ABRACL: variants seen among roughly 807,000 people sequenced by gnomAD.
ABRACL encodes costars family protein ABRACL.
In ABRACL, 4 loss-of-function variants were observed where a neutral mutation model predicts 7.0. The ratio of observed to expected loss-of-function variants is 0.57; its 90% CI spans 0.28 to 1.30. The LOEUF (loss-of-function observed/expected upper bound fraction) is 1.30. ABRACL is among the 50% of genes most tolerant of loss of function. The pLI is 0.10. For missense variants in ABRACL, 104 were observed against 97.3 expected, an observed-to-expected ratio of 1.07 and a Z score of -0.29; for synonymous variants, 30 against 36.0, an observed-to-expected ratio of 0.83 and a Z score of 0.60.
Position 139,042,863 on chromosome 6 carries a change from G to C in ABRACL, c.206G>C (p.Gly69Ala), listed in dbSNP as rs376913110. Residue 69 changes from glycine to alanine, a missense_variant, in exon 3 of 3, where the codon GGT becomes GCT. Coordinates refer to ENST00000367660, the MANE Select transcript of ABRACL (RefSeq NM_021243.3). The part of the protein sequence containing the change: ...VTYPGELLLQ[G>A]VHDDVDIILL... ...TATCCAGGAGAGCTGCTTCTGCAAG[G>C]TGTTCATGATGATGTTGACATTATA... is the stretch of plus-strand genomic sequence containing the variant. The C allele has an allele frequency of 4.3e-6, 7 of 1,613,478 alleles. No individual in the cohort carries two copies. The African/African-American group carries it at 9.3e-5, about 22-fold the overall frequency.
intron 1 of ABRACL, among the ~76,000 whole-genome samples, chr6:139,033,542 G>C (rs551266645): frequency 6.6e-6 from 1 of 152,306 alleles, no homozygotes; most frequent in East Asian, 1.9e-4. Flanking sequence ...GCTTAGGCCT[G>C]CCTCAAGTGT....
intron 2 of ABRACL, among the ~76,000 whole-genome samples, chr6:139,041,881 T>A (rs1233779114): frequency 6.6e-6 from 1 of 152,082 alleles, no homozygotes; most frequent in Non-Finnish European, 1.5e-5. Flanking sequence ...TTGCCAAGCA[T>A]CCAGTGGGAA....
intron 2 of ABRACL, among the ~76,000 whole-genome samples, chr6:139,041,531 A>ATATATTTTTTTT (rs748288046): frequency 2.4e-5 from 3 of 126,036 alleles, no homozygotes; most frequent in South Asian, 2.5e-4. Context: ...ATATATATAT[A>ATATATTTTTTTT]TTTTTTTTTA....
At chr6:139,041,455 A>G (rs201985276) in intron 2 of ABRACL, among the ~76,000 whole-genome samples, 1 of 80,508 alleles carries the variant, frequency 1.2e-5, no homozygotes, top group Non-Finnish European at 2.7e-5. Context: ...CTCTCTCTAT[A>G]TATATATATA....
chr6:139,040,885 A>G (rs1043192638), intron 2 of ABRACL, among the ~76,000 whole-genome samples: 2 of 152,166 alleles, frequency 1.3e-5, no homozygotes, highest in African/African-American at 4.8e-5. Flanking sequence ...CTCAGTCACA[A>G]CAGAGCCCCT....
chr6:139,040,124 A>T (rs1036165422), intron 2 of ABRACL, among the ~76,000 whole-genome samples: 5 of 152,162 alleles, frequency 3.3e-5, no homozygotes, highest in Admixed American at 1.3e-4. Flanking sequence ...GAGGGATTAA[A>T]GTAGAAGAGT....
At chr6:139,029,172 G>A (rs745970713) in intron 1 of ABRACL, among the ~76,000 whole-genome samples, 4 of 152,158 alleles carry the variant, frequency 2.6e-5, no homozygotes, top group Non-Finnish European at 4.4e-5. Context: ...TTTTTACCGC[G>A]GTGCGACGTG....
At chr6:139,034,887 A>G (rs934147527) in intron 2 of ABRACL, among the ~76,000 whole-genome samples, 4 of 152,218 alleles carry the variant, frequency 2.6e-5, no homozygotes, top group Admixed American at 6.5e-5. Flanking sequence ...GAAAATTACT[A>G]TTATACTTGC....
rs566274916 is a variant in ABRACL, at chr6:139,035,640, G to T, written c.61+1419G>T. Among the ~76,000 whole-genome samples the T allele has an allele frequency of 2.6e-5, 4 of 151,776 alleles. No individual in the cohort carries two copies. The South Asian group carries it at 8.3e-4, about 32-fold the overall frequency. ...TGGGATTATAGGCACCTGCCACCAC[G>T]CTCAGCTAATTTTTATATTTTTAGT... On this transcript the variant is annotated intron_variant, in intron 2 of 2. Transcript: ENST00000367660.
chr6:139,035,110 A>G (rs1012584815), intron 2 of ABRACL, among the ~76,000 whole-genome samples: 6 of 152,366 alleles, frequency 3.9e-5, no homozygotes, highest in South Asian at 2.1e-4. Flanking sequence ...TTAAAGCACT[A>G]TCTGTTCCTG....
chr6:139,042,205 T>C (rs1786263206), intron 2 of ABRACL, among the ~76,000 whole-genome samples: 1 of 152,216 alleles, frequency 6.6e-6, no homozygotes. Context: ...CTAGGGCTCA[T>C]ATGAAATACA....
chr6:139,036,746 G>A (rs372530972), intron 2 of ABRACL, among the ~76,000 whole-genome samples: 1 of 152,114 alleles, frequency 6.6e-6, no homozygotes, highest in East Asian at 1.9e-4. Context: ...CACATCAGGG[G>A]GCCAAGGTGG....
At chr6:139,030,118 C>T (rs1236921252) in intron 1 of ABRACL, among the ~76,000 whole-genome samples, 1 of 152,024 alleles carries the variant, frequency 6.6e-6, no homozygotes, top group African/African-American at 2.4e-5. Context: ...TAAGCTCTTC[C>T]CTTTAGACTT....
chr6:139,029,827 T>C (rs1393564595), intron 1 of ABRACL, among the ~76,000 whole-genome samples: 1 of 152,206 alleles, frequency 6.6e-6, no homozygotes, highest in African/African-American at 2.4e-5. Context: ...ATTCCGGACA[T>C]ACCTATTCCA....
chr6:139,042,860 A>G lies in ABRACL; in HGVS notation c.203A>G (p.Gln68Arg). The change falls in exon 3 of 3, where the codon CAA (glutamine) becomes CGA (arginine). Residue 68 changes from glutamine (Q) to arginine (R), a missense_variant. Physicochemically the swap from Gln to Arg is conservative, Grantham distance 43 (BLOSUM62 1). Transcript: ENST00000367660. Reference sequence around the variant, plus strand: ...ACATATCCAGGAGAGCTGCTTCTGCAAGGTGTTCATGATGATGTTGACATT... The same window carrying G: ...ACATATCCAGGAGAGCTGCTTCTGCGAGGTGTTCATGATGATGTTGACATT... ...IVTYPGELLLQGVHDDVDIIL... is the reference protein window; with the variant it reads ...IVTYPGELLLRGVHDDVDIIL... 6.2e-7 allele frequency: 1 copy of G among 1,613,848 alleles called. No homozygotes were observed. The highest frequency in any genetic ancestry group is 8.5e-7 in the Non-Finnish European group (1 of 1,179,942).
intron 2 of ABRACL, among the ~76,000 whole-genome samples, chr6:139,041,493 A>ATATGTGTG (rs71932479): frequency 0.043 from 5,205 of 122,366 alleles, 161 homozygotes; most frequent in Non-Finnish European, 0.058. Context: ...ATATATATAT[A>ATATGTGTG]TGTGTGTGTG....
intron 2 of ABRACL, among the ~76,000 whole-genome samples, chr6:139,039,850 AC>A (rs1786218547): frequency 6.6e-6 from 1 of 152,046 alleles, no homozygotes. Flanking sequence ...GGTGGCTCAC[AC>A]CTGTAATCCC....
intron 1 of ABRACL, among the ~76,000 whole-genome samples, chr6:139,033,242 A>G (rs534024923): frequency 6.6e-6 from 1 of 152,370 alleles, no homozygotes; most frequent in Admixed American, 6.5e-5. Flanking sequence ...AGGCTGGAAC[A>G]GTGTGCGGGA....
intron 1 of ABRACL, among the ~76,000 whole-genome samples, chr6:139,031,696 AT>A (rs1212845736): frequency 6.6e-6 from 1 of 152,208 alleles, no homozygotes; most frequent in Non-Finnish European, 1.5e-5. Flanking sequence ...GGAGAGTGTC[AT>A]TTTACTAATA....
Sources: gnomAD v4.1 joint callset for allele counts (sites outside exome capture counted in the v4.1 genomes callset) on GRCh38, gnomAD v4.1.1 for gene constraint, MANE v1.5 for transcripts, NCBI Gene and HGNC (gene_info 2026-07-23, HGNC 2026-07-21) for gene names.